RAB11FIP4: variants seen among roughly 807,000 people sequenced by gnomAD.
The protein encoded by RAB11FIP4 is RAB11 family interacting protein 4.
Under a neutral mutation model 74.3 loss-of-function variants are expected in RAB11FIP4, and 23 were observed. The observed-to-expected ratio is 0.31, with a 90% CI of 0.22 to 0.44. RAB11FIP4 has a LOEUF of 0.44. Ranked by LOEUF, RAB11FIP4 falls within the 20% of genes least tolerant of loss-of-function variation. The pLI, the probability that RAB11FIP4 is intolerant of heterozygous loss-of-function variation, is 1.00. For synonymous variants in RAB11FIP4, 360 were observed against 359.9 expected (o/e 1.00, Z 0.00); for missense variants, 630 against 863.9 (o/e 0.73, Z 3.39).
intron 3 of RAB11FIP4, among the ~76,000 whole-genome samples, chr17:31,492,416 G>A (rs762203982): frequency 3.3e-5 from 5 of 152,158 alleles, no homozygotes; most frequent in Non-Finnish European, 7.4e-5. Context: ...CTATGGGGTG[G>A]CTGAAGGTTG....
rs2151610051 is a variant in RAB11FIP4, at chr17:31,391,753, C to T, written c.-100C>T. 1.1e-6 allele frequency: 1 copy of T among 894,914 alleles called. No individual in the cohort carries two copies. The highest frequency in any genetic ancestry group is 1.3e-6 in the Non-Finnish European group (1 of 749,376). 55.4% of individuals were successfully genotyped at this position (894,914 alleles called of 1,614,324 possible). ...CCGGGCGGAGGCTGCGCGGCGCAGACCCAGACGGGCGGCCCCGGAGGGCGC... is the reference window on the plus strand; with the variant it reads ...CCGGGCGGAGGCTGCGCGGCGCAGATCCAGACGGGCGGCCCCGGAGGGCGC... On this transcript the variant is annotated 5_prime_UTR_variant, in exon 1 of 15. Transcript: ENST00000621161.
Position 31,391,996 on chromosome 17 carries a change from C to CG in RAB11FIP4, c.146dup (p.Gln50ProfsTer74). 7.5e-7 allele frequency: 1 copy of CG among 1,336,318 alleles called. No homozygotes were observed. Among genetic ancestry groups the CG allele is most frequent in the Non-Finnish European group, 9.6e-7 (1 of 1,043,270 alleles). 82.8% of individuals were successfully genotyped at this position (1,336,318 alleles called of 1,614,324 possible). ...GCGTCGCGGCGCTCGGACTGCGCTTCGGCCAGGGCGAGGAGGTAAGCTGGC... is the reference window on the plus strand; with the variant it reads ...GCGTCGCGGCGCTCGGACTGCGCTTCGGGCCAGGGCGAGGAGGTAAGCTGGC... On this transcript the variant is annotated frameshift_variant, in exon 1 of 15. Coordinates refer to ENST00000621161, the MANE Select transcript of RAB11FIP4 (RefSeq NM_032932.6). LOFTEE classifies it high-confidence loss of function.
At chr17:31,522,842 C>CCA (rs1361291417) in intron 7 of RAB11FIP4, 1 of 180,194 alleles carries the variant, frequency 5.5e-6, no homozygotes, top group Non-Finnish European at 1.2e-5. Flanking sequence ...GGCCCCAGGT[C>CCA]CACACTCAGG....
intron 3 of RAB11FIP4, chr17:31,501,868 T>G (rs980367768): frequency 6.4e-6 from 1 of 156,174 alleles, no homozygotes; most frequent in African/African-American, 2.4e-5. Flanking sequence ...TTATGGGTAC[T>G]TGAAGTATGA....
intron 3 of RAB11FIP4, among the ~76,000 whole-genome samples, chr17:31,490,884 T>C (rs570318629): frequency 7.9e-4 from 120 of 152,360 alleles, no homozygotes; most frequent in Non-Finnish European, 1.0e-3. Context: ...TCGTGCCTGC[T>C]GTCTGGTGTT....
chr17:31,463,752 C>T (rs953882842), intron 3 of RAB11FIP4, among the ~76,000 whole-genome samples: 1 of 146,194 alleles, frequency 6.8e-6, no homozygotes, highest in Non-Finnish European at 1.5e-5. Flanking sequence ...TGATCGCTCG[C>T]CTAGGCCTCC....
chr17:31,519,640 G>C (rs2072625769), intron 4 of RAB11FIP4, among the ~76,000 whole-genome samples: 1 of 152,192 alleles, frequency 6.6e-6, no homozygotes. Flanking sequence ...GAAGAGAGGG[G>C]TTCCCATGTT....
intron 9 of RAB11FIP4, 197 bp downstream of exon 9, chr17:31,524,193 G>A (rs1555550663): frequency 1.8e-6 from 1 of 569,698 alleles, no homozygotes; most frequent in Non-Finnish European, 3.1e-6. Flanking sequence ...GAGACAGGTT[G>A]GAGCTTGACC....
chr17:31,490,885 G>C (rs1277609284), intron 3 of RAB11FIP4, among the ~76,000 whole-genome samples: 1 of 152,246 alleles, frequency 6.6e-6, no homozygotes, highest in African/African-American at 2.4e-5. Context: ...CGTGCCTGCT[G>C]TCTGGTGTTA....
At chr17:31,469,296 C>T (rs178889) in intron 3 of RAB11FIP4, among the ~76,000 whole-genome samples, 80,351 of 151,778 alleles carry the variant, frequency 0.53, 22,353 homozygotes, top group East Asian at 0.62. Context: ...TACTCACACA[C>T]ATAGGCAGGT....
intron 3 of RAB11FIP4, among the ~76,000 whole-genome samples, chr17:31,484,876 T>A (rs1211460033): frequency 6.6e-6 from 1 of 152,228 alleles, no homozygotes; most frequent in Non-Finnish European, 1.5e-5. Flanking sequence ...CTAAAATACA[T>A]ACTATTATTA....
intron 6 of RAB11FIP4, 138 bp downstream of exon 6, chr17:31,522,187 T>G: frequency 7.6e-7 from 1 of 1,323,556 alleles, no homozygotes; most frequent in South Asian, 1.3e-5. Flanking sequence ...ATCCAGGGGC[T>G]TTTTCTGCCA....
intron 3 of RAB11FIP4, among the ~76,000 whole-genome samples, chr17:31,486,813 A>AT (rs756605226): frequency 1.2e-3 from 189 of 152,354 alleles, no homozygotes; most frequent in Non-Finnish European, 2.3e-3. Context: ...CCATTTGGAA[A>AT]GTCCCCAGCA....
At position 31,530,439 on chromosome 17, in the gene RAB11FIP4, T is replaced by A. The variant is rs2072849416; in HGVS notation, c.1767T>A (p.Ala589=). The change falls in exon 14 of 15, where the codon GCT becomes GCA. Residue 589 remains alanine (A), a synonymous_variant. Coordinates refer to ENST00000621161, the MANE Select transcript of RAB11FIP4 (RefSeq NM_032932.6). ...FAAQTKAQSL[A]AEIDTASRDE... ...CCCAGACTAAAGCCCAGTCTCTGGC[T>A]GCGGAGATAGACACCGCCTCGCGCG... The A allele has an allele frequency of 6.2e-7, 1 of 1,613,940 alleles. No individual in the cohort carries two copies. The highest frequency in any genetic ancestry group is 1.7e-5 in the Admixed American group (1 of 60,006).
intron 1 of RAB11FIP4, among the ~76,000 whole-genome samples, chr17:31,421,243 A>T (rs2071196348): frequency 6.6e-6 from 1 of 150,716 alleles, no homozygotes; most frequent in Non-Finnish European, 1.5e-5. Context: ...TTTTTTTGAG[A>T]CAGTCTCGCT....
intron 1 of RAB11FIP4, among the ~76,000 whole-genome samples, chr17:31,415,498 C>T (rs2151621192): frequency 6.6e-6 from 1 of 152,306 alleles, no homozygotes; most frequent in Admixed American, 6.5e-5. Context: ...AGTCCTCTGA[C>T]CCCGTCTGCT....
chr17:31,407,890 A>G (rs1372710284), intron 1 of RAB11FIP4, among the ~76,000 whole-genome samples: 2 of 152,184 alleles, frequency 1.3e-5, no homozygotes, highest in East Asian at 3.8e-4. Context: ...TTTGGTTTAC[A>G]TAATAGTTTT....
intron 3 of RAB11FIP4, among the ~76,000 whole-genome samples, chr17:31,515,073 A>G (rs1169040227): frequency 2.0e-5 from 3 of 152,136 alleles, no homozygotes; most frequent in East Asian, 3.9e-4. Context: ...CTGTTTCCCC[A>G]TCAGTAAAAT....
At position 31,488,089 on chromosome 17, in the gene RAB11FIP4, G is replaced by C. The variant is rs1411664643; in HGVS notation, c.337-29562G>C. 8.2e-5 allele frequency: 83 copies of C among 1,015,400 alleles called. No individual in the cohort carries two copies. In the South Asian group the frequency reaches 8.8e-4, roughly 11 times the overall value. The allele number at this position is 1,015,400 out of a possible 1,614,324, so 62.9% of individuals were successfully genotyped here. On this transcript the variant is annotated intron_variant, in intron 3 of 14. Transcript: ENST00000621161. ...ACGCGGGTCTCCCGGCAACGGGCGG[G>C]GGCGGGGCCGCGCCTTCCACTGGTG...
Sources: allele counts gnomAD v4.1 joint callset (sites outside exome capture counted in the v4.1 genomes callset), GRCh38; gene constraint gnomAD v4.1.1; transcripts MANE v1.5; gene names NCBI Gene and HGNC (gene_info 2026-07-23, HGNC 2026-07-21).